The following SGSM1 variants were observed in gnomAD, a reference collection of about 807,000 sequenced individuals.
The protein encoded by SGSM1 is RUN and TBC1 domain containing 2.
SGSM1 carries 73 observed loss-of-function variants against 133.8 expected under a neutral mutation model. The ratio of observed to expected loss-of-function variants is 0.55; its 90% confidence interval spans 0.45 to 0.66. The LOEUF (loss-of-function observed/expected upper bound fraction) is 0.66. SGSM1 is among the 30% of genes least tolerant of loss of function. The pLI, the probability that SGSM1 is intolerant of heterozygous loss-of-function variation, is 0.00. For synonymous variants in SGSM1, 563 were observed against 573.0 expected (o/e 0.98, Z 0.25); for missense variants, 1,213 against 1,448.1 (o/e 0.84, Z 2.64).
chr22:24,910,032 A>T (rs1414713236), intron 21 of SGSM1, among the ~76,000 whole-genome samples: 1 of 152,224 alleles, frequency 6.6e-6, no homozygotes, highest in Admixed American at 6.5e-5. Context: ...TGATGTTCTG[A>T]TGCAAACTAC....
At chr22:24,892,883 CT>C (rs1429938431) in intron 16 of SGSM1, among the ~76,000 whole-genome samples, 2 of 86,806 alleles carry the variant, frequency 2.3e-5, no homozygotes, top group Non-Finnish European at 3.8e-5. Flanking sequence ...CCCGTCTCTA[CT>C]AAAAAAAAAA....
Position 24,859,817 on chromosome 22 carries a change from G to A in SGSM1, c.903G>A (p.Val301=). The change falls in exon 9 of 25, where the codon GTG becomes GTA. Residue 301 remains valine (V), a synonymous_variant. Transcript: ENST00000400358. The part of the protein sequence containing the change: ...WTPNQLMNGS[V]GDLDYEKSVY... ...CCAACCAGCTGATGAACGGGTCTGT[G>A]GGGGACCTGGACTATGAGAAGAGGT... is the stretch of plus-strand genomic sequence containing the variant. The A allele has an allele frequency of 1.2e-6, 2 of 1,613,846 alleles. No homozygotes were observed. The highest frequency in any genetic ancestry group is 1.7e-6 in the Non-Finnish European group (2 of 1,179,832).
intron 2 of SGSM1, among the ~76,000 whole-genome samples, chr22:24,808,447 C>T (rs1003018942): frequency 2.0e-5 from 3 of 152,208 alleles, no homozygotes; most frequent in African/African-American, 7.2e-5. Context: ...CACAGACCAA[C>T]AACATCCTTG....
chr22:24,856,133 T>C (rs1039676017), intron 8 of SGSM1: 2 of 350,680 alleles, frequency 5.7e-6, no homozygotes, highest in Non-Finnish European at 1.1e-5. Flanking sequence ...ATCTGTTCGC[T>C]CTTGTTCTCA....
chr22:24,850,241 C>T (rs1264093729), intron 4 of SGSM1, 39 bp from the exon 5 acceptor site: 1 of 1,527,054 alleles, frequency 6.5e-7, no homozygotes, highest in Non-Finnish European at 8.8e-7. Context: ...TAGATTTGCT[C>T]TTGTGAGTAT....
chr22:24,830,067 T>G (rs1045835264), intron 2 of SGSM1, among the ~76,000 whole-genome samples: 3 of 113,704 alleles, frequency 2.6e-5, no homozygotes, highest in African/African-American at 6.6e-5. Context: ...GTGTGTGGCC[T>G]CCTCTTTCTT....
chr22:24,841,011 C>T (rs559117855), intron 2 of SGSM1, among the ~76,000 whole-genome samples: 12 of 151,836 alleles, frequency 7.9e-5, no homozygotes, highest in East Asian at 1.9e-4. Flanking sequence ...CCACCACGCC[C>T]GGCTAATTTT....
chr22:24,867,263 G>T (rs1321299353), intron 10 of SGSM1, 103 bp downstream of exon 10: 6 of 1,097,752 alleles, frequency 5.5e-6, no homozygotes, highest in Non-Finnish European at 8.2e-6. Flanking sequence ...TGATATGGTG[G>T]ACACCCCATG....
intron 4 of SGSM1, among the ~76,000 whole-genome samples, chr22:24,848,562 T>A (rs1930281498): frequency 6.6e-6 from 1 of 152,188 alleles, no homozygotes; most frequent in South Asian, 2.1e-4. Context: ...CCAGAGCCAC[T>A]CCCTGGGAGG....
intron 9 of SGSM1, among the ~76,000 whole-genome samples, chr22:24,862,158 C>A (rs1724124118): frequency 6.6e-6 from 1 of 152,080 alleles, no homozygotes; most frequent in Non-Finnish European, 1.5e-5. Flanking sequence ...CCGTGTTGGT[C>A]AGGCTGGTCT....
intron 2 of SGSM1, among the ~76,000 whole-genome samples, chr22:24,826,395 T>C (rs906872997): frequency 6.6e-6 from 1 of 152,250 alleles, no homozygotes; most frequent in Admixed American, 6.5e-5. Context: ...GAAAAAGTTT[T>C]CTGATCCCAG....
At chr22:24,879,549 A>T in intron 14 of SGSM1, 23 bp downstream of exon 14, 1 of 1,610,014 alleles carries the variant, frequency 6.2e-7, no homozygotes, top group East Asian at 2.2e-5. Flanking sequence ...CTCCATTGCC[A>T]GTGTGTCTCC....
chr22:24,857,870 A>G (rs968145265), intron 8 of SGSM1, among the ~76,000 whole-genome samples: 4 of 152,220 alleles, frequency 2.6e-5, no homozygotes, highest in Admixed American at 1.3e-4. Context: ...GAACCAAACA[A>G]TATTTCCTAT....
In SGSM1 at chr22:24,898,120, T is replaced by C; in HGVS notation, c.2171T>C (p.Leu724Pro). The change falls in exon 19 of 25, where the codon CTC (leucine) becomes CCC (proline). Residue 724 changes from leucine (L) to proline (P), a missense_variant. Transcript: ENST00000400358. ...TCCTCCCATAACTTCTCCTCGGGCC[T>C]CTCAGAGCACTCAGAGCCCAGTCTG... The part of the protein sequence containing the change: ...HPSSHNFSSG[L>P]SEHSEPSLST... The C allele has an allele frequency of 6.2e-7, 1 of 1,613,928 alleles. No individual in the cohort carries two copies. Among genetic ancestry groups the C allele is most frequent in the Non-Finnish European group, 8.5e-7 (1 of 1,179,866 alleles).
At chr22:24,919,694 C>A in intron 23 of SGSM1, 132 bp from the exon 24 acceptor site, 1 of 887,034 alleles carries the variant, frequency 1.1e-6, no homozygotes, top group Non-Finnish European at 1.7e-6. Flanking sequence ...TGAGTTCTAT[C>A]CACTGCACCA....
intron 2 of SGSM1, among the ~76,000 whole-genome samples, chr22:24,827,480 C>T (rs576019243): frequency 4.6e-5 from 7 of 151,936 alleles, no homozygotes; most frequent in African/African-American, 9.7e-5. Context: ...CGTGGAGGGA[C>T]GGGGCTGGGC....
chr22:24,852,109 C>T (rs920120746), intron 5 of SGSM1, among the ~76,000 whole-genome samples: 2 of 152,174 alleles, frequency 1.3e-5, no homozygotes, highest in African/African-American at 4.8e-5. Flanking sequence ...TTTACATTTA[C>T]ATAGAAGTTG....
intron 16 of SGSM1, among the ~76,000 whole-genome samples, chr22:24,891,322 T>G (rs1036893515): frequency 6.6e-6 from 1 of 152,178 alleles, no homozygotes; most frequent in Non-Finnish European, 1.5e-5. Context: ...ATTGTGCCAC[T>G]GCATTTCAGC....
rs1338996560 is a variant in SGSM1 at position 24,893,452 on chromosome 22, T to C, written c.1792T>C (p.Cys598Arg). 1 of 1,613,672 alleles carries C rather than the reference T, an allele frequency of 6.2e-7. No individual in the cohort carries two copies. Among genetic ancestry groups the C allele is most frequent in the Non-Finnish European group, 8.5e-7 (1 of 1,179,746 alleles). ...GCAGGTGGACGAGCAGATTCATGCC[T>C]GCTATGCACAGACCATGGCTGAGTG... Reference protein sequence around the residue: ...RKEVDEQIHACYAQTMAEWLG... With the variant: ...RKEVDEQIHARYAQTMAEWLG... The change falls in exon 17 of 25, where the codon TGC (cysteine) becomes CGC (arginine). Residue 598 changes from cysteine (C) to arginine (R), a missense_variant. Transcript: ENST00000400358.
Sources: allele counts gnomAD v4.1 joint callset (sites outside exome capture counted in the v4.1 genomes callset), GRCh38; gene constraint gnomAD v4.1.1; transcripts MANE v1.5; gene names NCBI Gene and HGNC (gene_info 2026-07-23, HGNC 2026-07-21).